Variants in STAT5B observed in about 807,000 individuals in gnomAD.
STAT5B encodes signal transducer and activator of transcription 5B, also known as transcription factor STAT5B.
Under a neutral mutation model 107.8 loss-of-function variants are expected in STAT5B, and 21 were observed. The ratio of observed to expected loss-of-function variants is 0.19; its 90% CI spans 0.14 to 0.28. STAT5B has a LOEUF of 0.28. Among genes scored for constraint, STAT5B ranks in the 10% least tolerant of loss-of-function variants. The pLI is 1.00. For synonymous variants in STAT5B, 325 were observed against 401.7 expected, an observed-to-expected ratio of 0.81 and a Z score of 2.28; for missense variants, 565 against 1,008.2, an observed-to-expected ratio of 0.56 and a Z score of 5.95.
chr17:42,276,933 C>T (rs951494981), upstream of STAT5B, among the ~76,000 whole-genome samples: 3 of 152,214 alleles, frequency 2.0e-5, no homozygotes, highest in South Asian at 6.2e-4. This position sits in a 1 kb window ranked among gnomAD's most constrained non-coding sequence, Gnocchi z 4.8. Context: ...CCTGCATGGG[C>T]ACGGCAGGAA....
chr17:42,285,974 C>T, the STAT5B span, among the ~76,000 whole-genome samples: 3 of 152,128 alleles, frequency 2.0e-5, no homozygotes, highest in South Asian at 2.1e-4. Context: ...AATTCCAGCA[C>T]TTTGGGAGGC....
intron 1 of STAT5B, among the ~76,000 whole-genome samples, chr17:42,241,581 T>TA (rs2080403363): frequency 6.6e-6 from 1 of 151,890 alleles, no homozygotes. Context: ...TAGCTGGAAT[T>TA]ACAGGCATGT....
At chr17:42,280,136 A>T (rs2080789689), upstream of STAT5B, among the ~76,000 whole-genome samples, 1 of 152,090 alleles carries the variant, frequency 6.6e-6, no homozygotes, top group Non-Finnish European at 1.5e-5. Flanking sequence ...GGAAGCTAGG[A>T]TCCTGAAAGA....
Position 42,200,878 on chromosome 17 carries a change from C to G in STAT5B, c.*860G>C. The G allele has an allele frequency of 5.1e-6, 2 of 392,572 alleles. No individual in the cohort carries two copies. Among genetic ancestry groups the G allele is most frequent in the Non-Finnish European group, 9.0e-6 (2 of 222,658 alleles). The allele number at this position is 392,572 out of a possible 1,614,324, so 24.3% of individuals were successfully genotyped here. On this transcript the variant is annotated 3_prime_UTR_variant, in exon 19 of 19. Transcript: ENST00000293328. Reference sequence around the variant, plus strand: ...GCTTCCTGGGTAACCAGGCAACAATCTCAGCGCCTGGGAGTCAGGGCTGCG... The same window carrying G: ...GCTTCCTGGGTAACCAGGCAACAATGTCAGCGCCTGGGAGTCAGGGCTGCG...
intron 1 of STAT5B, among the ~76,000 whole-genome samples, chr17:42,274,012 T>C (rs142990040): frequency 5.4e-4 from 82 of 152,226 alleles, no homozygotes; most frequent in African/African-American, 1.9e-3. Flanking sequence ...ATTTATGTTG[T>C]AACACTCCAA....
chr17:42,268,756 A>G lies in STAT5B; in HGVS notation c.-11+7492T>C, dbSNP rs1017053352. On this transcript the variant is annotated intron_variant, in intron 1 of 18. Transcript: ENST00000293328. ...TTTAAAGAGCTGTAGATTTCTGTAG[A>G]TCTCTAATTTGCTACTTTTCCTAAA... 5 of 152,326 alleles carry G rather than the reference A, an allele frequency of 3.3e-5. 1 individual carries two copies. In the South Asian group the frequency reaches 1.0e-3, roughly 32 times the overall value. 9.4% of individuals were successfully genotyped at this position (152,326 alleles called of 1,614,324 possible).
At chr17:42,243,371 C>T (rs2080421935) in intron 1 of STAT5B, among the ~76,000 whole-genome samples, 1 of 151,802 alleles carries the variant, frequency 6.6e-6, no homozygotes, top group Non-Finnish European at 1.5e-5. Context: ...CAAACAAAAA[C>T]ACCCACAGCT....
chr17:42,244,891 A>T lies in STAT5B; in HGVS notation c.-10-12754T>A, dbSNP rs1009323795. On this transcript the variant is annotated intron_variant, in intron 1 of 18. Coordinates refer to ENST00000293328, the MANE Select transcript of STAT5B (RefSeq NM_012448.4). ...ATAAAAACCATGTAGACGCATTTTT[A>T]AATTTTTATTTTATTTATTTATTTT... 9.1e-4 allele frequency among the ~76,000 whole-genome samples: 139 copies of T among 152,050 alleles called. 1 individual carries two copies. The highest frequency in any genetic ancestry group is 3.1e-3 in the African/African-American group (128 of 41,408).
intron 12 of STAT5B, chr17:42,214,694 A>ATT: frequency 2.1e-6 from 2 of 941,302 alleles, no homozygotes; most frequent in Non-Finnish European, 2.5e-6. Context: ...CCCTTTTATC[A>ATT]TGCTTTTATG....
intron 5 of STAT5B, among the ~76,000 whole-genome samples, chr17:42,222,038 GTGTGTGTGC>G (rs1245604832): frequency 6.9e-6 from 1 of 145,400 alleles, no homozygotes; most frequent in African/African-American, 2.6e-5. Flanking sequence ...GTGGTGTGGT[GTGTGTGTGC>G]TGTGTGTCTG....
the STAT5B span, among the ~76,000 whole-genome samples, chr17:42,283,193 AG>A: frequency 6.6e-6 from 1 of 152,292 alleles, no homozygotes; most frequent in Non-Finnish European, 1.5e-5. Flanking sequence ...AAACTAGCTC[AG>A]CGGGAAGAGC....
At chr17:42,259,357 A>C (rs2080574293) in intron 1 of STAT5B, among the ~76,000 whole-genome samples, 2 of 152,132 alleles carry the variant, frequency 1.3e-5, no homozygotes. Context: ...CAGGAGCTTC[A>C]AGGACATGGG....
intron 1 of STAT5B, among the ~76,000 whole-genome samples, chr17:42,265,167 A>G (rs1286060973): frequency 6.7e-6 from 1 of 148,534 alleles, no homozygotes; most frequent in Non-Finnish European, 1.5e-5. Flanking sequence ...TTGCCTGTTC[A>G]CTCTGATGGT....
intron 1 of STAT5B, among the ~76,000 whole-genome samples, chr17:42,249,206 G>C (rs1245814132): frequency 6.6e-6 from 1 of 152,048 alleles, no homozygotes; most frequent in African/African-American, 2.4e-5. Flanking sequence ...AGTCTGGCTA[G>C]CATGGTGAAA....
At chr17:42,280,485 C>A (rs2080791112), upstream of STAT5B, among the ~76,000 whole-genome samples, 1 of 152,132 alleles carries the variant, frequency 6.6e-6, no homozygotes, top group African/African-American at 2.4e-5. Context: ...AAACCAGAGG[C>A]CTTCGTTATT....
At chr17:42,265,508 A>G (rs754949808) in intron 1 of STAT5B, among the ~76,000 whole-genome samples, 9 of 151,630 alleles carry the variant, frequency 5.9e-5, no homozygotes, top group Non-Finnish European at 1.0e-4. Flanking sequence ...ACGTGCCACC[A>G]TGCCCAGCTA....
chr17:42,214,035 C>T (rs1181775397), intron 12 of STAT5B, among the ~76,000 whole-genome samples: 1 of 151,114 alleles, frequency 6.6e-6, no homozygotes, highest in African/African-American at 2.4e-5. Context: ...CCCAGCTTCT[C>T]GGGAGGCTGA....
intron 1 of STAT5B, among the ~76,000 whole-genome samples, chr17:42,236,433 T>A (rs1396319994): frequency 6.6e-6 from 1 of 152,174 alleles, no homozygotes; most frequent in Non-Finnish European, 1.5e-5. Context: ...AGAAGCTATG[T>A]AGTGGTTTTT....
rs530550813 is a variant in STAT5B, at chr17:42,199,837, C to G, written c.*1901G>C. The G allele has an allele frequency of 6.6e-6, 1 of 152,528 alleles. No individual in the cohort carries two copies. Among genetic ancestry groups the G allele is most frequent in the East Asian group, 1.9e-4 (1 of 5,322 alleles). 9.4% of individuals were successfully genotyped at this position (152,528 alleles called of 1,614,324 possible). On this transcript the variant is annotated 3_prime_UTR_variant, in exon 19 of 19. Transcript: ENST00000293328. ...CTGAAAGTGTATCAAGTCTGACCCC[C>G]CAACCAGGGTTGCTGGAACAGAGAG...
Sources: gnomAD v4.1 joint callset for allele counts (sites outside exome capture counted in the v4.1 genomes callset) on GRCh38, gnomAD v4.1.1 for gene constraint, Gnocchi (gnomAD v3.1) non-coding constraint, MANE v1.5 for transcripts, NCBI Gene and HGNC (gene_info 2026-07-23, HGNC 2026-07-21) for gene names.